The following PDE4B variants were observed in gnomAD, a reference collection of about 807,000 sequenced individuals.
PDE4B encodes 3',5'-cyclic-AMP phosphodiesterase 4B.
In PDE4B, 20 loss-of-function variants were observed where a neutral mutation model predicts 82.2. That is an observed-to-expected ratio of 0.24 (90% CI 0.17 to 0.35). The LOEUF is 0.35. Among genes scored for constraint, PDE4B ranks in the 10% least tolerant of loss-of-function variants. The pLI is 1.00. For missense variants in PDE4B, 655 were observed against 907.2 expected (o/e 0.72, Z 3.57); for synonymous variants, 320 against 318.9 (o/e 1.00, Z -0.04).
intron 3 of PDE4B, among the ~76,000 whole-genome samples, chr1:66,167,996 C>A (rs1029242285): frequency 1.3e-5 from 2 of 152,172 alleles, no homozygotes; most frequent in Non-Finnish European, 2.9e-5. Flanking sequence ...TCCAAACAAC[C>A]TGAGAAAATA....
chr1:66,123,641 C>T (rs962062059), intron 3 of PDE4B, among the ~76,000 whole-genome samples: 4 of 151,854 alleles, frequency 2.6e-5, no homozygotes, highest in African/African-American at 7.3e-5. Flanking sequence ...AAATATTGCC[C>T]TTAAATAATC....
At chr1:65,885,645 G>A (rs1410736236) in intron 1 of PDE4B, among the ~76,000 whole-genome samples, 2 of 151,868 alleles carry the variant, frequency 1.3e-5, no homozygotes, top group Non-Finnish European at 2.9e-5. Context: ...CTCACTCATA[G>A]GTTGGAATTG....
At chr1:65,983,433 T>C (rs1207117008) in intron 3 of PDE4B, among the ~76,000 whole-genome samples, 1 of 152,186 alleles carries the variant, frequency 6.6e-6, no homozygotes, top group Non-Finnish European at 1.5e-5. Flanking sequence ...CCCCAAATCA[T>C]ATGTTGAAAT....
chr1:65,974,964 C>G (rs1650332919), intron 3 of PDE4B, among the ~76,000 whole-genome samples: 1 of 152,088 alleles, frequency 6.6e-6, no homozygotes, highest in African/African-American at 2.4e-5. Context: ...GTGGGGCACT[C>G]TTATAAAGAC....
At chr1:66,164,844 G>T (rs1198606332) in intron 3 of PDE4B, among the ~76,000 whole-genome samples, 1 of 144,748 alleles carries the variant, frequency 6.9e-6, no homozygotes, top group Non-Finnish European at 1.5e-5. Flanking sequence ...CTGCAAGCAA[G>T]CTCCACCTCC....
rs17128285 is a variant in PDE4B at position 66,039,047 on chromosome 1, C to A, written c.281+120212C>A. ...AGAATTTGATTTCTACCTCTTAGTG[C>A]ACACTCTATGAAACAATGAATTGTT... On this transcript the variant is annotated intron_variant, in intron 3 of 16. Coordinates refer to ENST00000341517, the MANE Select transcript of PDE4B (RefSeq NM_002600.4). 9.4e-3 allele frequency among the ~76,000 whole-genome samples: 1,436 copies of A among 152,114 alleles called. 15 individuals are homozygous for A. The highest frequency in any genetic ancestry group is 0.032 in the African/African-American group (1,349 of 41,508).
intron 8 of PDE4B, among the ~76,000 whole-genome samples, chr1:66,350,563 T>C (rs1661746990): frequency 6.6e-6 from 1 of 152,112 alleles, no homozygotes; most frequent in African/African-American, 2.4e-5. Context: ...AAGAAGCTCT[T>C]TCATGGGCTT....
At chr1:66,252,753 C>T (rs574094023) in intron 4 of PDE4B, among the ~76,000 whole-genome samples, 228 of 152,228 alleles carry the variant, frequency 1.5e-3, no homozygotes, top group African/African-American at 4.9e-3. Context: ...GCCTGGACAA[C>T]GTGGCGAAGC....
intron 3 of PDE4B, among the ~76,000 whole-genome samples, chr1:66,208,137 G>A (rs17128524): frequency 0.045 from 6,877 of 152,172 alleles, 245 homozygotes; most frequent in East Asian, 0.15. Context: ...ATGCTCTCTA[G>A]GTGTGCCTCT....
At chr1:66,212,445 C>G (rs561620628) in intron 3 of PDE4B, among the ~76,000 whole-genome samples, 1 of 152,282 alleles carries the variant, frequency 6.6e-6, no homozygotes, top group East Asian at 1.9e-4. Flanking sequence ...AAACTCCCTC[C>G]TCTTCTAGCG....
At chr1:65,957,656 C>T (rs72685071) in intron 3 of PDE4B, among the ~76,000 whole-genome samples, 1,889 of 152,078 alleles carry the variant, frequency 0.012, 25 homozygotes, top group Non-Finnish European at 0.017. Flanking sequence ...GGTATTGTGT[C>T]TTCCTATCTA....
At chr1:65,812,846 C>A (rs1645835224) in intron 1 of PDE4B, among the ~76,000 whole-genome samples, 1 of 152,066 alleles carries the variant, frequency 6.6e-6, no homozygotes, top group Admixed American at 6.6e-5. Context: ...GAGTATAACA[C>A]CTTAAACAAT....
chr1:66,299,267 C>T (rs1202492948), intron 7 of PDE4B, among the ~76,000 whole-genome samples: 1 of 152,124 alleles, frequency 6.6e-6, no homozygotes, highest in Non-Finnish European at 1.5e-5. Context: ...CATAATTCTA[C>T]TCTCTATTAT....
At chr1:65,860,251 T>C (rs1646438770) in intron 1 of PDE4B, among the ~76,000 whole-genome samples, 1 of 152,166 alleles carries the variant, frequency 6.6e-6, no homozygotes, top group Non-Finnish European at 1.5e-5. Flanking sequence ...CCTGTGTCCA[T>C]GTGTTCTCAT....
At chr1:65,823,054 C>A (rs1441143071) in intron 1 of PDE4B, among the ~76,000 whole-genome samples, 1 of 152,090 alleles carries the variant, frequency 6.6e-6, no homozygotes, top group Admixed American at 6.6e-5. Context: ...CTTGCTTCCT[C>A]TTCTGAAAAA....
intron 1 of PDE4B, among the ~76,000 whole-genome samples, chr1:65,834,599 G>A (rs1379232820): frequency 6.6e-6 from 1 of 152,112 alleles, no homozygotes; most frequent in Admixed American, 6.5e-5. Flanking sequence ...TACACTAATG[G>A]TCAAATTAAC....
intron 3 of PDE4B, among the ~76,000 whole-genome samples, chr1:66,099,609 C>A (rs1000917020): frequency 3.3e-5 from 5 of 152,014 alleles, no homozygotes; most frequent in Admixed American, 3.3e-4. Context: ...TTTTGGCAAT[C>A]CTAAACACAT....
At chr1:66,306,847 G>A (rs1267015619) in intron 7 of PDE4B, among the ~76,000 whole-genome samples, 2 of 152,126 alleles carry the variant, frequency 1.3e-5, no homozygotes, top group Non-Finnish European at 2.9e-5. Flanking sequence ...GCTGTCTTAT[G>A]ATGAGTTTAT....
chr1:65,806,554 G>A lies in PDE4B; in HGVS notation c.-71+13306G>A, dbSNP rs188561906. On this transcript the variant is annotated intron_variant, in intron 1 of 16. Transcript: ENST00000341517. ...GAGTTTTAAATTCACATTTGAATCC[G>A]TCTCTTCAGAATCCTGAGTCACTAA... 2.0e-3 allele frequency among the ~76,000 whole-genome samples: 303 copies of A among 152,206 alleles called. 3 individuals are homozygous for A. The highest frequency in any genetic ancestry group is 6.7e-3 in the African/African-American group (278 of 41,520).
Sources: allele counts gnomAD v4.1 joint callset (sites outside exome capture counted in the v4.1 genomes callset), GRCh38; gene constraint gnomAD v4.1.1; transcripts MANE v1.5; gene names NCBI Gene and HGNC (gene_info 2026-07-23, HGNC 2026-07-21).